RORA: variants seen among roughly 807,000 people sequenced by gnomAD.
RORA encodes RAR related orphan receptor A, also known as nuclear receptor ROR-alpha.
In RORA, 7 loss-of-function variants were observed where a neutral mutation model predicts 69.5. The observed-to-expected ratio is 0.10, with a 90% CI of 0.06 to 0.19. RORA has a LOEUF of 0.19. Ranked by LOEUF, RORA falls within the 10% of genes least tolerant of loss-of-function variation. The pLI is 1.00. For missense variants in RORA, 457 were observed against 663.0 expected (o/e 0.69, Z 3.41); for synonymous variants, 261 against 240.8 (o/e 1.08, Z -0.78).
chr15:60,605,910 T>C (rs1567119889), intron 2 of RORA, among the ~76,000 whole-genome samples: 1 of 152,198 alleles, frequency 6.6e-6, no homozygotes, highest in African/African-American at 2.4e-5. Context: ...ATCCTCCAAG[T>C]GTTTTCCGCA....
rs754588231 is a variant in RORA at position 60,832,696 on chromosome 15, T to C, written c.167-154010A>G. Among the ~76,000 whole-genome samples, 54 of 152,240 alleles carry C rather than the reference T, an allele frequency of 3.5e-4. 1 individual carries two copies. The highest frequency in any genetic ancestry group is 6.8e-3 in the Middle Eastern group (2 of 294). On this transcript the variant is annotated intron_variant, in intron 1 of 10. Transcript: ENST00000335670. ...GGAGGTGGGGTGGAGAGTCGATTCA[T>C]CAAAATTTAAATATGCCAGAGGAAA...
chr15:61,037,741 G>A (rs1896531881), intron 1 of RORA, among the ~76,000 whole-genome samples: 1 of 152,188 alleles, frequency 6.6e-6, no homozygotes, highest in South Asian at 2.1e-4. Flanking sequence ...TCATAATCTA[G>A]TGGGAAAAAG....
Position 61,055,341 on chromosome 15 carries a change from T to C in RORA, c.166+173712A>G, listed in dbSNP as rs144645572. On this transcript the variant is annotated intron_variant, in intron 1 of 10. Coordinates refer to ENST00000335670, the MANE Select transcript of RORA (RefSeq NM_134261.3). ...TTTCACCACTCTTCATCGCAGCAGTTCCTGGAGTAAGCATGGCTTCACTAA... is the reference window on the plus strand; with the variant it reads ...TTTCACCACTCTTCATCGCAGCAGTCCCTGGAGTAAGCATGGCTTCACTAA... Among the ~76,000 whole-genome samples the C allele has an allele frequency of 7.4e-4, 112 of 152,330 alleles. 3 individuals carry two copies. Among genetic ancestry groups the C allele is most frequent in the South Asian group, 2.1e-3 (10 of 4,824 alleles).
At chr15:60,948,465 A>C (rs1056147991) in intron 1 of RORA, among the ~76,000 whole-genome samples, 1 of 152,236 alleles carries the variant, frequency 6.6e-6, no homozygotes, top group Admixed American at 6.5e-5. Flanking sequence ...TCACTCAACA[A>C]ATAGTAACTA....
intron 1 of RORA, among the ~76,000 whole-genome samples, chr15:60,749,660 T>C (rs1175164735): frequency 6.6e-6 from 1 of 152,168 alleles, no homozygotes; most frequent in Non-Finnish European, 1.5e-5. Context: ...GGGGATATGA[T>C]GGAGAGAAAC....
At chr15:60,883,147 AAAAAGAAAGAG>A (rs2073707840) in intron 1 of RORA, among the ~76,000 whole-genome samples, 5 of 77,896 alleles carry the variant, frequency 6.4e-5, no homozygotes, top group Admixed American at 3.6e-4. Context: ...AAAAAAAAAA[AAAAAGAAAGAG>A]AGAGAGAGAG....
chr15:60,907,618 T>G (rs1278350631), intron 1 of RORA, among the ~76,000 whole-genome samples: 1 of 152,248 alleles, frequency 6.6e-6, no homozygotes, highest in Non-Finnish European at 1.5e-5. Flanking sequence ...TCACCTGTAA[T>G]GTGCCTGTTA....
chr15:60,557,311 C>A (rs527482301), intron 2 of RORA, among the ~76,000 whole-genome samples: 4 of 152,108 alleles, frequency 2.6e-5, no homozygotes, highest in African/African-American at 9.7e-5. Context: ...TTATGGTTAT[C>A]GGAGAACTAG....
chr15:60,590,175 A>C (rs1647984), intron 2 of RORA, among the ~76,000 whole-genome samples: 2,083 of 146,780 alleles, frequency 0.014, 16 homozygotes, highest in Middle Eastern at 0.024. Flanking sequence ...CTCTTCCTCT[A>C]TCTCTCTCTC....
At position 60,740,432 on chromosome 15, in the gene RORA, C is replaced by T. The variant is rs562915615; in HGVS notation, c.167-61746G>A. On this transcript the variant is annotated intron_variant, in intron 1 of 10. Transcript: ENST00000335670. Reference sequence around the variant, plus strand: ...GAATTCGGTCTGGCAAAACCATTCACAGTCCTGGATGTGAACTGGAGCCTA... The same window carrying T: ...GAATTCGGTCTGGCAAAACCATTCATAGTCCTGGATGTGAACTGGAGCCTA... 2.6e-5 allele frequency among the ~76,000 whole-genome samples: 4 copies of T among 152,338 alleles called. No individual in the cohort carries two copies. In the South Asian group the frequency reaches 8.3e-4, roughly 32 times the overall value.
At chr15:61,217,875 T>C (rs2080055017) in intron 1 of RORA, among the ~76,000 whole-genome samples, 1 of 152,202 alleles carries the variant, frequency 6.6e-6, no homozygotes, top group Admixed American at 6.5e-5. Context: ...TGTATGATTA[T>C]AAATAATAAG....
At chr15:60,731,732 A>G (rs1224814844) in intron 1 of RORA, among the ~76,000 whole-genome samples, 2 of 152,236 alleles carry the variant, frequency 1.3e-5, no homozygotes, top group African/African-American at 4.8e-5. Context: ...TACTCCAGGC[A>G]GCCACTACCA....
chr15:60,556,752 G>T (rs1595968707), intron 2 of RORA: 2 of 836,624 alleles, frequency 2.4e-6, no homozygotes, highest in Admixed American at 2.2e-5. Context: ...ATCATTTTCT[G>T]GTTCTGCGGG....
At chr15:60,806,303 A>C (rs1177882760) in intron 1 of RORA, among the ~76,000 whole-genome samples, 1 of 152,242 alleles carries the variant, frequency 6.6e-6, no homozygotes, top group Non-Finnish European at 1.5e-5. Context: ...AAAAGCACCC[A>C]CAATTCTGCA....
intron 1 of RORA, among the ~76,000 whole-genome samples, chr15:61,198,227 G>C (rs748973390): frequency 6.6e-6 from 1 of 152,168 alleles, no homozygotes; most frequent in African/African-American, 2.4e-5. Flanking sequence ...AATAAAGAGA[G>C]CAGCAGTCTA....
At chr15:60,516,833 G>GAATT (rs976465016) in intron 3 of RORA, among the ~76,000 whole-genome samples, 3 of 152,162 alleles carry the variant, frequency 2.0e-5, no homozygotes, top group Admixed American at 2.0e-4. Flanking sequence ...CAACATTACT[G>GAATT]AATTAAAAGA....
intron 1 of RORA, among the ~76,000 whole-genome samples, chr15:61,225,556 A>G (rs1041372091): frequency 6.6e-6 from 1 of 152,174 alleles, no homozygotes; most frequent in East Asian, 1.9e-4. Flanking sequence ...TCTCAACCCA[A>G]CTGAGCTTTT....
intron 2 of RORA, among the ~76,000 whole-genome samples, chr15:60,607,461 A>C (rs1449919343): frequency 1.3e-5 from 2 of 152,200 alleles, no homozygotes; most frequent in Non-Finnish European, 2.9e-5. Flanking sequence ...GTGACATGGT[A>C]TACATACCTA....
chr15:60,666,716 C>T lies in RORA; in HGVS notation c.196+11941G>A, dbSNP rs567440967. On this transcript the variant is annotated intron_variant, in intron 2 of 10. Coordinates refer to ENST00000335670, the MANE Select transcript of RORA (RefSeq NM_134261.3). ...ACATTCCAGGACAAACAAGATACTA[C>T]AGATACAAAGGCACCGAGGTATGCC... 2.9e-4 allele frequency among the ~76,000 whole-genome samples: 44 copies of T among 152,266 alleles called. 2 individuals carry two copies. The South Asian group carries it at 8.3e-3, about 29-fold the overall frequency.
Sources: gnomAD v4.1 joint callset for allele counts (sites outside exome capture counted in the v4.1 genomes callset) on GRCh38, gnomAD v4.1.1 for gene constraint, MANE v1.5 for transcripts, NCBI Gene and HGNC (gene_info 2026-07-23, HGNC 2026-07-21) for gene names.